The following TRPM1 variants were observed in gnomAD, a reference collection of about 807,000 sequenced individuals.
TRPM1 encodes transient receptor potential cation channel subfamily M member 1, also known as TRPM1-203 APA Isoform, Intron 10.
TRPM1 carries 113 observed loss-of-function variants against 149.4 expected under a neutral mutation model. The observed-to-expected ratio is 0.76, with a 90% CI of 0.65 to 0.88. TRPM1 has a LOEUF of 0.88. Among genes scored for constraint, TRPM1 ranks in the 40% least tolerant of loss-of-function variants. TRPM1 has a pLI of 0.00. For missense variants in TRPM1, 1,976 were observed against 2,038.7 expected (o/e 0.97, Z 0.59); for synonymous variants, 741 against 759.5 (o/e 0.98, Z 0.40).
chr15:31,113,856 C>G lies in TRPM1; in HGVS notation c.55-36872G>C, dbSNP rs144175658. On this transcript the variant is annotated intron_variant, in intron 1 of 26. Coordinates refer to the TRPM1 transcript ENST00000542188. ...GTGAACAGCAAAACAACGACGCTCC[C>G]ACACGCTGGAAGGGTACCGAGCAAA... 4.3e-3 allele frequency among the ~76,000 whole-genome samples: 650 copies of G among 151,790 alleles called. 12 individuals carry two copies. Among genetic ancestry groups the G allele is most frequent in the African/African-American group, 0.015 (620 of 41,082 alleles).
intron 1 of TRPM1, among the ~76,000 whole-genome samples, chr15:31,157,941 C>T (rs1311244531): frequency 2.6e-5 from 4 of 152,030 alleles, no homozygotes; most frequent in African/African-American, 9.7e-5. Flanking sequence ...GTGCTGCTTT[C>T]GATTAGGAAA....
Position 31,038,056 on chromosome 15 carries a change from T to C in TRPM1, c.2427A>G (p.Glu809=), listed in dbSNP as rs757227746. 8 of 1,614,220 alleles carry C rather than the reference T, an allele frequency of 5.0e-6. No homozygotes were observed. Among genetic ancestry groups the C allele is most frequent in the Non-Finnish European group, 6.8e-6 (8 of 1,180,034 alleles). The part of the protein sequence containing the change: ...SKENEDGKEK[E]EENTDANADA... ...GTGTGTCACTGACCGTATTTTCCTC[T>C]TCTTTTTCTTTGCCATCCTCATTTT... The change falls in exon 19 of 28, where the codon GAA becomes GAG. Residue 809 remains glutamate, a synonymous_variant. Transcript: ENST00000256552.
intron 27 of TRPM1, 140 bp downstream of exon 27, chr15:31,025,999 C>G: frequency 8.1e-7 from 1 of 1,240,594 alleles, no homozygotes; most frequent in Non-Finnish European, 1.2e-6. Flanking sequence ...TCGTGGGAAC[C>G]ACGTTAAAAC....
intron 7 of TRPM1, 31 bp downstream of exon 7, chr15:31,066,045 A>C: frequency 3.7e-6 from 6 of 1,610,022 alleles, no homozygotes; most frequent in Non-Finnish European, 5.1e-6. Flanking sequence ...GCATCAGCCC[A>C]GGAGGACTGC....
In TRPM1 at chr15:31,038,142, G is replaced by T; in HGVS notation, c.2341C>A (p.Pro781Thr). The change falls in exon 19 of 28, where the codon CCC (proline) becomes ACC (threonine). Residue 781 changes from proline (P) to threonine (T), a missense_variant. Physicochemically the swap from Pro to Thr is conservative, Grantham distance 38. Coordinates refer to ENST00000256552, the MANE Select transcript of TRPM1 (RefSeq NM_001252024.2). ...CGAAATTCCAAAAACAAGATGGTGG[G>T]GGGTAGAAGAATCCCCATGATAACC... ...LKVIMGILLP[P>T]TILFLEFRTY... 2 of 1,614,018 alleles carry T rather than the reference G, an allele frequency of 1.2e-6. No homozygotes were observed.
At chr15:31,130,424 T>C (rs1466540517) in intron 1 of TRPM1, among the ~76,000 whole-genome samples, 1 of 152,224 alleles carries the variant, frequency 6.6e-6, no homozygotes, top group African/African-American at 2.4e-5. Context: ...AGTTTAACTT[T>C]GAAACAAAGA....
intron 26 of TRPM1, among the ~76,000 whole-genome samples, chr15:31,026,492 A>G (rs1177653780): frequency 6.6e-6 from 1 of 152,258 alleles, no homozygotes; most frequent in Non-Finnish European, 1.5e-5. Flanking sequence ...CATAAAAAAC[A>G]AAATTACATT....
At chr15:31,090,620 G>C (rs1051349224) in intron 1 of TRPM1, among the ~76,000 whole-genome samples, 1 of 150,868 alleles carries the variant, frequency 6.6e-6, no homozygotes, top group Non-Finnish European at 1.5e-5. Context: ...CTGGGCAACA[G>C]AGTGAGACTC....
rs769362413 is a variant in TRPM1 at position 31,042,171 on chromosome 15, C to T, written c.1867G>A (p.Asp623Asn). The part of the protein sequence containing the change: ...KKEEEIDIDV[D>N]DPAVSRFQYP... Reference sequence around the variant, plus strand: ...TGGAACCGACTCACGGCAGGGTCGTCCACATCAATGTCGATCTCTTCCTCC... The same window carrying T: ...TGGAACCGACTCACGGCAGGGTCGTTCACATCAATGTCGATCTCTTCCTCC... The change falls in exon 17 of 28, where the codon GAC becomes AAC. Residue 623 changes from aspartate to asparagine, a missense_variant. This residue lies in a region of TRPM1 where 1,332 missense variants were observed against 1,347.1 expected (regional missense o/e 0.99). Transcript: ENST00000256552. 6.2e-6 allele frequency: 10 copies of T among 1,614,014 alleles called. No homozygotes were observed. Among genetic ancestry groups the T allele is most frequent in the African/African-American group, 2.7e-5 (2 of 74,910 alleles).
intron 27 of TRPM1, among the ~76,000 whole-genome samples, chr15:31,011,053 T>C (rs2032167660): frequency 6.6e-6 from 1 of 152,230 alleles, no homozygotes; most frequent in Non-Finnish European, 1.5e-5. Context: ...CTAGTAACAA[T>C]ATTTGTCTTA....
intron 1 of TRPM1, among the ~76,000 whole-genome samples, chr15:31,114,595 T>C (rs2035772346): frequency 6.6e-6 from 1 of 152,168 alleles, no homozygotes. Flanking sequence ...AAGAAAAAGA[T>C]TATCTTCTAT....
chr15:31,048,137 C>A (rs12324468), intron 13 of TRPM1, among the ~76,000 whole-genome samples, 198 bp from the exon 14 acceptor site: 3,504 of 152,164 alleles, frequency 0.023, 129 homozygotes, highest in African/African-American at 0.08. Flanking sequence ...GTGGTGGGCA[C>A]CTGTAATCCT....
At chr15:31,056,944 A>AT (rs2034102009) in intron 11 of TRPM1, among the ~76,000 whole-genome samples, 3 of 152,204 alleles carry the variant, frequency 2.0e-5, no homozygotes, top group Admixed American at 6.5e-5. Context: ...CTCAGACAGT[A>AT]ATTCTCCCAC....
intron 1 of TRPM1, among the ~76,000 whole-genome samples, chr15:31,113,617 A>G (rs995325126): frequency 6.6e-6 from 1 of 152,296 alleles, no homozygotes; most frequent in African/African-American, 2.4e-5. Context: ...AACTTGTGTC[A>G]TAGCACTTTA....
intron 8 of TRPM1, 27 bp downstream of exon 8, chr15:31,063,091 C>T (rs563625429): frequency 6.2e-7 from 1 of 1,614,060 alleles, no homozygotes; most frequent in South Asian, 1.1e-5. Flanking sequence ...TACGAACCCG[C>T]CCTTCCTCGC....
At position 31,001,762 on chromosome 15, in the gene TRPM1, A is replaced by G; in HGVS notation, c.*60T>C. On this transcript the variant is annotated 3_prime_UTR_variant, in exon 28 of 28. Transcript: ENST00000256552. The stretch of plus-strand genomic sequence containing the variant: ...AGAAATTGATGATGTTTAGATGGCC[A>G]AGATGACACCCATTAGTGGTTCTGA... The G allele has an allele frequency of 2.6e-6, 4 of 1,556,278 alleles. No individual in the cohort carries two copies. The highest frequency in any genetic ancestry group is 3.5e-6 in the Non-Finnish European group (4 of 1,154,358).
rs57299770 is a variant in TRPM1 at position 31,063,405 on chromosome 15, C to T, written c.791-113G>A. 0.014 allele frequency: 19,598 copies of T among 1,355,924 alleles called. 357 individuals carry two copies. Among genetic ancestry groups the T allele is most frequent in the African/African-American group, 0.085 (5,975 of 70,020 alleles). The allele number at this position is 1,355,924 out of a possible 1,614,324, so 84.0% of individuals were successfully genotyped here. On this transcript the variant is annotated intron_variant, in intron 7 of 27. Coordinates refer to ENST00000256552, the MANE Select transcript of TRPM1 (RefSeq NM_001252024.2). ...AAAACATTACGACTTGGGGGATGTT[C>T]TATCTGGCTGGAAGGAATTCAGGCA...
intron 22 of TRPM1, among the ~76,000 whole-genome samples, chr15:31,031,859 C>G (rs2033096027): frequency 1.3e-5 from 2 of 152,134 alleles, no homozygotes; most frequent in South Asian, 4.1e-4. Flanking sequence ...TATAAGTCAT[C>G]ATGGTCTAAT....
Position 31,066,000 on chromosome 15 carries a change from T to C in TRPM1, c.790+76A>G, listed in dbSNP as rs1047979352. 3.2e-6 allele frequency: 5 copies of C among 1,540,464 alleles called. No individual in the cohort carries two copies. In the African/African-American group the frequency reaches 5.4e-5, roughly 17 times the overall value. On this transcript the variant is annotated intron_variant, in intron 7 of 27. Transcript: ENST00000256552. ...TTAATCTTCTAATCCCCTTGGGCAA[T>C]CAATCTCCTTCTCAGCCTTGTTTCC...
Sources: allele counts gnomAD v4.1 joint callset (sites outside exome capture counted in the v4.1 genomes callset), GRCh38; gene constraint gnomAD v4.1.1; regional missense constraint gnomAD v4.1.1; transcripts MANE v1.5; gene names NCBI Gene and HGNC (gene_info 2026-07-23, HGNC 2026-07-21).